Variants in DOCK2 observed in about 807,000 individuals in gnomAD.
DOCK2 encodes the protein dedicator of cytokinesis protein 2.
In DOCK2, 87 loss-of-function variants were observed where a neutral mutation model predicts 248.9. The ratio of observed to expected loss-of-function variants is 0.35; its 90% CI spans 0.29 to 0.42. The LOEUF is 0.42. Among genes scored for constraint, DOCK2 ranks in the 10% least tolerant of loss-of-function variants. The probability of loss-of-function intolerance (pLI) is 1.00; values close to 1 mark genes in which losing one functional copy is unlikely to be tolerated. For missense variants in DOCK2, 1,747 were observed against 2,300.2 expected, an observed-to-expected ratio of 0.76 and a Z score of 4.92; for synonymous variants, 805 against 821.6, an observed-to-expected ratio of 0.98 and a Z score of 0.35.
chr5:169,722,510 T>C (rs1762263860), intron 22 of DOCK2, among the ~76,000 whole-genome samples: 4 of 152,190 alleles, frequency 2.6e-5, no homozygotes. Context: ...TATGAGGAGA[T>C]GTTCATGCAG....
At position 169,804,481 on chromosome 5, in the gene DOCK2, T is replaced by TGC. The variant is rs1292771652; in HGVS notation, c.2703+1276_2703+1277insCG. On this transcript the variant is annotated intron_variant, in intron 26 of 51. Coordinates refer to ENST00000520908, the MANE Select transcript of DOCK2 (RefSeq NM_004946.3). The stretch of plus-strand genomic sequence containing the variant: ...GTGTGTGTGTGTGTGTGTGTGTGTG[T>TGC]GTGTGCGCGCGCGCGTGCGCGTAAG... Among the ~76,000 whole-genome samples, 37 of 63,886 alleles carry TGC rather than the reference T, an allele frequency of 5.8e-4. 1 individual carries two copies. Among genetic ancestry groups the TGC allele is most frequent in the African/African-American group, 1.3e-3 (33 of 25,918 alleles). The allele number at this position is 63,886 out of a possible 152,430, so 41.9% of individuals were successfully genotyped here. A position where few individuals can be genotyped will look rare whatever the true frequency, so the allele number is the denominator to read the frequency against.
At chr5:169,766,534 C>T (rs1259878556) in intron 25 of DOCK2, among the ~76,000 whole-genome samples, 1 of 152,158 alleles carries the variant, frequency 6.6e-6, no homozygotes, top group African/African-American at 2.4e-5. Context: ...GATGAACATA[C>T]ACAGGCATAT....
chr5:169,762,830 G>A (rs1764566641), intron 25 of DOCK2, among the ~76,000 whole-genome samples: 1 of 152,218 alleles, frequency 6.6e-6, no homozygotes, highest in South Asian at 2.1e-4. Flanking sequence ...CAGAGGATCA[G>A]CCATCACCCA....
chr5:169,721,599 A>G (rs1175690546), intron 22 of DOCK2, among the ~76,000 whole-genome samples: 1 of 152,170 alleles, frequency 6.6e-6, no homozygotes, highest in African/African-American at 2.4e-5. Context: ...TGTATCTGGT[A>G]TTGTGTGTCT....
chr5:169,927,575 C>T (rs909822537), intron 27 of DOCK2, among the ~76,000 whole-genome samples: 4 of 152,104 alleles, frequency 2.6e-5, no homozygotes, highest in Admixed American at 1.3e-4. Context: ...AAAGATAATT[C>T]TAAAGGTACA....
intron 5 of DOCK2, among the ~76,000 whole-genome samples, chr5:169,672,199 G>C (rs756044343): frequency 6.6e-6 from 1 of 151,606 alleles, no homozygotes; most frequent in Non-Finnish European, 1.5e-5. Context: ...GTAGAGATGG[G>C]GTTTCATCAT....
intron 22 of DOCK2, among the ~76,000 whole-genome samples, chr5:169,740,830 GTTTTGT>G (rs976247829): frequency 2.0e-5 from 3 of 152,184 alleles, no homozygotes; most frequent in East Asian, 3.9e-4. Context: ...CTGTGTATGT[GTTTTGT>G]TTTTGTTTTT....
chr5:169,776,439 A>G (rs1581172595), intron 25 of DOCK2, among the ~76,000 whole-genome samples: 1 of 152,060 alleles, frequency 6.6e-6, no homozygotes. Context: ...TGCTGGGATA[A>G]CAAGTGTGAG....
At chr5:170,038,197 C>T (rs1756386176) in intron 36 of DOCK2, among the ~76,000 whole-genome samples, 1 of 152,164 alleles carries the variant, frequency 6.6e-6, no homozygotes, top group South Asian at 2.1e-4. Flanking sequence ...TGTTTCCGTC[C>T]TACCTTCTGT....
chr5:169,637,425 G>A (rs1347575770), intron 1 of DOCK2, 56 bp downstream of exon 1: 34 of 1,304,918 alleles, frequency 2.6e-5, no homozygotes, highest in African/African-American at 3.1e-5. Context: ...GGAGAGCCGC[G>A]AGCAGGAGGA....
At chr5:169,761,676 A>ACCC in intron 25 of DOCK2, 51 bp downstream of exon 25, 8 of 1,524,844 alleles carry the variant, frequency 5.2e-6, no homozygotes, top group Non-Finnish European at 7.2e-6. Context: ...AATAAACCCC[A>ACCC]CATCATTTTG....
intron 27 of DOCK2, among the ~76,000 whole-genome samples, chr5:169,869,582 A>G (rs1284442776): frequency 6.6e-6 from 1 of 152,082 alleles, no homozygotes; most frequent in East Asian, 1.9e-4. Context: ...GGAGGGACAG[A>G]GCCCTCTCAT....
At chr5:170,055,429 C>T (rs561840409) in intron 42 of DOCK2, 43 bp downstream of exon 42, 1 of 1,579,490 alleles carries the variant, frequency 6.3e-7, no homozygotes, top group Non-Finnish European at 8.7e-7. Context: ...GGGAAGAGAA[C>T]CCATTGGGGC....
chr5:169,886,017 A>T (rs1418816853), intron 27 of DOCK2, among the ~76,000 whole-genome samples: 2 of 151,984 alleles, frequency 1.3e-5, no homozygotes, highest in African/African-American at 4.8e-5. Context: ...TGAAGTTATG[A>T]CTCTGCCCTT....
In DOCK2 at chr5:170,037,480, ATTT is replaced by A. The variant is rs370462327; in HGVS notation, c.3665+945_3665+947del. ...TCTACAATAAAAAGCACAAAAACAA[ATTT>A]TTTTTTTTTTTTTTTTTTTAAAGAC... On this transcript the variant is annotated intron_variant, in intron 36 of 51. Transcript: ENST00000520908. Among the ~76,000 whole-genome samples the A allele has an allele frequency of 1.0e-3, 136 of 134,440 alleles. 2 individuals carry two copies. Among genetic ancestry groups the A allele is most frequent in the African/African-American group, 3.4e-3 (126 of 36,654 alleles). The allele number at this position is 134,440 out of a possible 152,430, so 88.2% of individuals were successfully genotyped here.
chr5:169,987,922 C>T (rs1778112550), intron 29 of DOCK2, among the ~76,000 whole-genome samples: 1 of 152,136 alleles, frequency 6.6e-6, no homozygotes, highest in African/African-American at 2.4e-5. Flanking sequence ...CATTTAACCT[C>T]TTGGAGTGTT....
At position 170,081,990 on chromosome 5, in the gene DOCK2, G is replaced by A; in HGVS notation, c.5430+6G>A. The A allele has an allele frequency of 6.2e-7, 1 of 1,613,258 alleles. No individual in the cohort carries two copies. Among genetic ancestry groups the A allele is most frequent in the South Asian group, 1.1e-5 (1 of 90,872 alleles). Reference sequence around the variant, plus strand: ...ATCAGTTCTTCAAGACAATGGTGAGGACATTGAGGGTGGAAGGAAAGGAAG... The same window carrying A: ...ATCAGTTCTTCAAGACAATGGTGAGAACATTGAGGGTGGAAGGAAAGGAAG... On this transcript the variant is annotated splice_donor_region_variant and intron_variant, in intron 51 of 51. Transcript: ENST00000520908.
At chr5:169,696,156 T>C (rs1322435190) in intron 10 of DOCK2, among the ~76,000 whole-genome samples, 1 of 152,188 alleles carries the variant, frequency 6.6e-6, no homozygotes, top group Non-Finnish European at 1.5e-5. Context: ...TGGGCTCCTC[T>C]TGTCTGGAGT....
chr5:169,705,635 T>C (rs1386327781), intron 14 of DOCK2, among the ~76,000 whole-genome samples: 4 of 152,220 alleles, frequency 2.6e-5, no homozygotes, highest in African/African-American at 9.6e-5. Context: ...TTAGCTATTA[T>C]TATTAGAAGG....
Sources: allele counts gnomAD v4.1 joint callset (sites outside exome capture counted in the v4.1 genomes callset), GRCh38; gene constraint gnomAD v4.1.1; transcripts MANE v1.5; gene names NCBI Gene and HGNC (gene_info 2026-07-23, HGNC 2026-07-21).